The following SHTN1 variants were observed in gnomAD, a reference collection of about 807,000 sequenced individuals.
SHTN1 encodes the protein shootin-1.
SHTN1 carries 42 observed loss-of-function variants against 83.1 expected under a neutral mutation model. That is an observed-to-expected ratio of 0.51 (90% CI 0.39 to 0.65). SHTN1 has a LOEUF of 0.65. Among genes scored for constraint, SHTN1 ranks in the 30% least tolerant of loss-of-function variants. The pLI is 0.00. For synonymous variants in SHTN1, 224 were observed against 247.7 expected (o/e 0.90, Z 0.90); for missense variants, 622 against 737.8 (o/e 0.84, Z 1.82).
chr10:117,120,808 T>C (rs1002122927), intron 1 of SHTN1, among the ~76,000 whole-genome samples: 2 of 80,320 alleles, frequency 2.5e-5, no homozygotes, highest in African/African-American at 3.6e-5. Flanking sequence ...GTACACTGAT[T>C]TGATTTTTTT....
At chr10:116,982,953 A>T (rs1231676824) in intron 1 of SHTN1, among the ~76,000 whole-genome samples, 2 of 151,230 alleles carry the variant, frequency 1.3e-5, no homozygotes, top group Admixed American at 6.6e-5. Context: ...ACAGAGCAAG[A>T]CTCTGTCTCA....
intron 14 of SHTN1, among the ~76,000 whole-genome samples, chr10:116,907,385 A>C (rs1215852742): frequency 1.3e-5 from 2 of 152,206 alleles, no homozygotes; most frequent in African/African-American, 4.8e-5. Flanking sequence ...CTAACACAGG[A>C]GACAGTTAAT....
At chr10:116,921,377 G>T in intron 12 of SHTN1, 57 bp downstream of exon 12, 1 of 1,248,878 alleles carries the variant, frequency 8.0e-7, no homozygotes, top group Non-Finnish European at 1.2e-6. Context: ...ACAAATATGT[G>T]AATTGCCCCA....
At chr10:117,048,541 T>A in intron 1 of SHTN1, 1 of 885,804 alleles carries the variant, frequency 1.1e-6, no homozygotes, top group Non-Finnish European at 1.4e-6. Context: ...AGCATGGCAT[T>A]CTAAAATACT....
Position 117,024,316 on chromosome 10 carries a change from T to C in SHTN1, c.-123+24129A>G, listed in dbSNP as rs536468791. Among the ~76,000 whole-genome samples the C allele has an allele frequency of 7.8e-4, 118 of 151,902 alleles. 4 individuals are homozygous for C. In the South Asian group the frequency reaches 0.024, roughly 31 times the overall value. Reference sequence around the variant, plus strand: ...TTCAATATCTTGATAGAGGTTTAGGTTGTACAGATGTATACACTTGTCAAA... The same window carrying C: ...TTCAATATCTTGATAGAGGTTTAGGCTGTACAGATGTATACACTTGTCAAA... On this transcript the variant is annotated intron_variant, in intron 2 of 17. Coordinates refer to the SHTN1 transcript ENST00000392901.
At chr10:117,000,306 T>TTA (rs1428183985) in intron 1 of SHTN1, among the ~76,000 whole-genome samples, 5 of 152,202 alleles carry the variant, frequency 3.3e-5, no homozygotes. Context: ...AATGCTCCAG[T>TTA]TATTTCCTGG....
intron 1 of SHTN1, among the ~76,000 whole-genome samples, chr10:117,062,950 T>C (rs1183404607): frequency 6.6e-6 from 1 of 152,166 alleles, no homozygotes; most frequent in Admixed American, 6.5e-5. Context: ...AGACGGTACC[T>C]ACAGGAAAGA....
chr10:117,124,534 A>G (rs1207978256), intron 1 of SHTN1, among the ~76,000 whole-genome samples: 1 of 152,142 alleles, frequency 6.6e-6, no homozygotes, highest in Non-Finnish European at 1.5e-5. Context: ...CCACTTTGGG[A>G]GGCCGAGGTG....
chr10:116,926,398 C>T (rs1050737139), intron 11 of SHTN1, among the ~76,000 whole-genome samples: 9 of 152,146 alleles, frequency 5.9e-5, no homozygotes, highest in African/African-American at 1.9e-4. Flanking sequence ...TCCAGAATAT[C>T]TCCTACAGAT....
In SHTN1 at chr10:117,074,977, GA is replaced by G. The variant is rs1001864887; in HGVS notation, c.-188-26468del. On this transcript the variant is annotated intron_variant, in intron 1 of 17. Coordinates refer to the SHTN1 transcript ENST00000392901. ...CAGGACATTCAGGGAATTTAGGATTGAAAAAAAAATTAAGATATTGTGAAGA... is the reference window on the plus strand; with the variant it reads ...CAGGACATTCAGGGAATTTAGGATTGAAAAAAAATTAAGATATTGTGAAGA... Among the ~76,000 whole-genome samples the G allele has an allele frequency of 1.1e-4, 16 of 149,694 alleles. No homozygotes were observed. In the South Asian group the frequency reaches 1.9e-3, roughly 18 times the overall value.
At chr10:117,081,544 C>A (rs1202306883) in intron 1 of SHTN1, among the ~76,000 whole-genome samples, 1 of 139,768 alleles carries the variant, frequency 7.2e-6, no homozygotes, top group Admixed American at 7.3e-5. Context: ...ATGATGCTGG[C>A]CTCATAAAAT....
chr10:117,011,755 T>C (rs536969046), intron 2 of SHTN1, among the ~76,000 whole-genome samples: 2 of 152,058 alleles, frequency 1.3e-5, no homozygotes, highest in African/African-American at 4.8e-5. Flanking sequence ...TAGCAAAATA[T>C]GTGAAAGATC....
intron 2 of SHTN1, among the ~76,000 whole-genome samples, chr10:117,040,853 T>G (rs1367255865): frequency 6.6e-6 from 1 of 152,076 alleles, no homozygotes; most frequent in African/African-American, 2.4e-5. Flanking sequence ...CATGATTCAT[T>G]GAAAATAATA....
intron 5 of SHTN1, among the ~76,000 whole-genome samples, chr10:116,953,267 C>T (rs762867424): frequency 6.6e-6 from 1 of 152,106 alleles, no homozygotes. Context: ...TATGATCTTG[C>T]CTTACAACAC....
chr10:116,928,036 C>T, intron 10 of SHTN1, 145 bp from the exon 11 acceptor site: 1 of 842,782 alleles, frequency 1.2e-6, no homozygotes, highest in Middle Eastern at 3.7e-4. Flanking sequence ...AAATTACAGA[C>T]CTTTTTAAAC....
intron 1 of SHTN1, among the ~76,000 whole-genome samples, chr10:117,108,857 T>C (rs76919131): frequency 0.024 from 3,597 of 152,264 alleles, 128 homozygotes; most frequent in East Asian, 0.12. Flanking sequence ...TAGACCTGGG[T>C]ACATATGCCA....
Position 116,909,652 on chromosome 10 carries a change from A to G in SHTN1, c.1359+2138T>C, listed in dbSNP as rs561804257. Among the ~76,000 whole-genome samples the G allele has an allele frequency of 4.6e-5, 7 of 152,350 alleles. No homozygotes were observed. The South Asian group carries it at 1.5e-3, about 32-fold the overall frequency. ...AGGTTTGGAAAAACGAGGTCAGTCA[A>G]TACTGAGACATTAAAAATTGGCTTG... On this transcript the variant is annotated intron_variant, in intron 14 of 16. Transcript: ENST00000355371.
chr10:116,927,249 T>C (rs4360618), intron 11 of SHTN1, among the ~76,000 whole-genome samples: 8,791 of 152,258 alleles, frequency 0.058, 827 homozygotes, highest in African/African-American at 0.19. Context: ...TCCTTGTTCT[T>C]ACCATTAAAG....
chr10:117,109,552 A>ATTT (rs1564962314), intron 1 of SHTN1, among the ~76,000 whole-genome samples: 12 of 16,556 alleles, frequency 7.2e-4, no homozygotes, highest in East Asian at 3.0e-3. Flanking sequence ...AACATATATT[A>ATTT]CTTTTTTTTT....
Sources: gnomAD v4.1 joint callset for allele counts (sites outside exome capture counted in the v4.1 genomes callset) on GRCh38, gnomAD v4.1.1 for gene constraint, MANE v1.5 for transcripts, NCBI Gene and HGNC (gene_info 2026-07-23, HGNC 2026-07-21) for gene names.